The following LMNTD1 variants were observed in gnomAD, a reference collection of about 807,000 sequenced individuals.
LMNTD1 encodes the protein lamin tail domain containing 1, also known as lamin tail domain-containing protein 1.
A neutral mutation model predicts 50.9 loss-of-function variants in LMNTD1; 35 were observed. The observed-to-expected ratio is 0.69, with a 90% CI of 0.53 to 0.91. LMNTD1 has a LOEUF of 0.91. LMNTD1 is among the 40% of genes least tolerant of loss of function. The pLI is 0.00. For synonymous variants in LMNTD1, 153 were observed against 161.9 expected, an observed-to-expected ratio of 0.94 and a Z score of 0.42; for missense variants, 470 against 475.5, an observed-to-expected ratio of 0.99 and a Z score of 0.11.
intron 1 of LMNTD1, among the ~76,000 whole-genome samples, chr12:25,562,955 C>T (rs1365732480): frequency 6.6e-6 from 1 of 152,178 alleles, no homozygotes; most frequent in Non-Finnish European, 1.5e-5. Flanking sequence ...GTATGCATCA[C>T]GTAGTTCTCG....
At chr12:25,523,164 G>GC (rs752121197) in intron 6 of LMNTD1, among the ~76,000 whole-genome samples, 46 of 152,180 alleles carry the variant, frequency 3.0e-4, no homozygotes, top group Non-Finnish European at 6.5e-4. Context: ...CTCCCTAGTA[G>GC]CTGGGACTAC....
chr12:25,523,816 TA>T (rs745735879), intron 6 of LMNTD1, among the ~76,000 whole-genome samples: 1,910 of 80,574 alleles, frequency 0.024, 24 homozygotes, highest in African/African-American at 0.05. Flanking sequence ...GTGACTCAGG[TA>T]AAAAAAAAAA....
At chr12:25,555,065 TAAAA>T, upstream of LMNTD1, among the ~76,000 whole-genome samples, 1 of 133,302 alleles carries the variant, frequency 7.5e-6, no homozygotes. Flanking sequence ...TCTCCGTCAT[TAAAA>T]AAAAAAAAAA....
intron 4 of LMNTD1, among the ~76,000 whole-genome samples, chr12:25,532,662 A>T (rs1942304910): frequency 6.6e-6 from 1 of 152,162 alleles, no homozygotes. Flanking sequence ...GGTCTCACCT[A>T]CATTGTATGA....
At chr12:25,588,140 T>C (rs191490123) in intron 1 of LMNTD1, among the ~76,000 whole-genome samples, 1 of 152,270 alleles carries the variant, frequency 6.6e-6, no homozygotes, top group East Asian at 1.9e-4. Flanking sequence ...TAAAAGTTAA[T>C]TACTGATTAT....
At chr12:25,476,645 G>T (rs552982064) in intron 9 of LMNTD1, among the ~76,000 whole-genome samples, 185 bp from the exon 10 acceptor site, 1 of 152,254 alleles carries the variant, frequency 6.6e-6, no homozygotes, top group East Asian at 1.9e-4. Context: ...CTGACCAAAG[G>T]TTGCATGGAT....
intron 1 of LMNTD1, among the ~76,000 whole-genome samples, chr12:25,571,337 A>T (rs56220812): frequency 7.7e-6 from 1 of 130,570 alleles, no homozygotes; most frequent in African/African-American, 2.8e-5. Flanking sequence ...TCAAAAAAGT[A>T]TTTTTATTTA....
intron 1 of LMNTD1, among the ~76,000 whole-genome samples, chr12:25,605,400 A>G (rs1364600904): frequency 7.9e-5 from 12 of 152,124 alleles, no homozygotes; most frequent in East Asian, 1.9e-4. Context: ...CGGTGTTTTA[A>G]ACATGAAGTC....
At chr12:25,551,383 T>TTTGTC (rs1555105673) in intron 2 of LMNTD1, among the ~76,000 whole-genome samples, 3 of 151,748 alleles carry the variant, frequency 2.0e-5, no homozygotes, top group African/African-American at 7.3e-5. Context: ...ATAAGAAATT[T>TTTGTC]TTTTCTTTTC....
At chr12:25,606,186 A>T (rs959707178) in intron 1 of LMNTD1, among the ~76,000 whole-genome samples, 9 of 152,186 alleles carry the variant, frequency 5.9e-5, no homozygotes, top group African/African-American at 1.9e-4. Flanking sequence ...TTGATTTTGT[A>T]TCCTGAGACT....
chr12:25,565,271 G>T, intron 1 of LMNTD1, among the ~76,000 whole-genome samples: 1 of 151,172 alleles, frequency 6.6e-6, no homozygotes. Context: ...TTTTCTTTCT[G>T]TCTTCCTTTT....
At chr12:25,520,099 T>C (rs776968533) in intron 6 of LMNTD1, 24 bp from the exon 7 acceptor site, 2 of 1,480,836 alleles carry the variant, frequency 1.4e-6, no homozygotes, top group Admixed American at 3.5e-5. Flanking sequence ...TTTATTAATG[T>C]TGGCTATGTA....
chr12:25,548,135 G>T (rs891017419), intron 3 of LMNTD1, among the ~76,000 whole-genome samples: 4 of 151,640 alleles, frequency 2.6e-5, no homozygotes, highest in Non-Finnish European at 4.4e-5. Flanking sequence ...AACTTAGGAG[G>T]TTTCTTGGGA....
chr12:25,534,115 T>C (rs551691448), intron 4 of LMNTD1, among the ~76,000 whole-genome samples: 30 of 152,312 alleles, frequency 2.0e-4, no homozygotes, highest in African/African-American at 6.7e-4. Context: ...TAATAATGTC[T>C]CTACTTTGTT....
At chr12:25,501,963 G>T (rs924665134) in intron 9 of LMNTD1, among the ~76,000 whole-genome samples, 2 of 152,168 alleles carry the variant, frequency 1.3e-5, no homozygotes, top group African/African-American at 2.4e-5. Flanking sequence ...CCACCAGAGG[G>T]GGGTGGGAGC....
chr12:25,636,301 A>G (rs1337014564), intron 1 of LMNTD1, among the ~76,000 whole-genome samples: 1 of 142,718 alleles, frequency 7.0e-6, no homozygotes, highest in African/African-American at 2.5e-5. Context: ...TAAAAAAAAC[A>G]TCCCATCAAA....
At chr12:25,492,276 G>A (rs945821140) in intron 9 of LMNTD1, among the ~76,000 whole-genome samples, 1 of 152,190 alleles carries the variant, frequency 6.6e-6, no homozygotes, top group African/African-American at 2.4e-5. Flanking sequence ...TTCAATTTAG[G>A]TTGATACTCT....
chr12:25,561,161 T>TA (rs1436796267), intron 1 of LMNTD1, among the ~76,000 whole-genome samples: 2 of 152,226 alleles, frequency 1.3e-5, no homozygotes, highest in African/African-American at 4.8e-5. Flanking sequence ...GCTCTGATCT[T>TA]AGTTATTTCT....
chr12:25,609,012 G>A (rs1374897510), intron 1 of LMNTD1, among the ~76,000 whole-genome samples: 1 of 152,110 alleles, frequency 6.6e-6, no homozygotes, highest in Non-Finnish European at 1.5e-5. Context: ...TGGAGGCTTT[G>A]TTCATTTCTT....
Sources: gnomAD v4.1 joint callset for allele counts (sites outside exome capture counted in the v4.1 genomes callset) on GRCh38, gnomAD v4.1.1 for gene constraint, MANE v1.5 for transcripts, NCBI Gene and HGNC (gene_info 2026-07-23, HGNC 2026-07-21) for gene names.